Variants in TGFBI observed in about 807,000 individuals in gnomAD.
TGFBI encodes transforming growth factor-beta-induced protein ig-h3.
A neutral mutation model predicts 73.7 loss-of-function variants in TGFBI; 50 were observed. That is an observed-to-expected ratio of 0.68 (90% CI 0.54 to 0.86). TGFBI has a LOEUF of 0.86. Among genes scored for constraint, TGFBI ranks in the 40% least tolerant of loss-of-function variants. The pLI, the probability that TGFBI is intolerant of heterozygous loss-of-function variation, is 0.00. For missense variants in TGFBI, 839 were observed against 877.0 expected (o/e 0.96, Z 0.55); for synonymous variants, 362 against 360.5 (o/e 1.00, Z -0.05).
chr5:136,046,569 A>C, intron 4 of TGFBI, 74 bp downstream of exon 4: 1 of 1,475,252 alleles, frequency 6.8e-7, no homozygotes, highest in Non-Finnish European at 9.1e-7. Flanking sequence ...GGGCATGATG[A>C]ATGGGAGTCT....
intron 6 of TGFBI, 134 bp downstream of exon 6, chr5:136,047,554 C>CGTATTATACCATAGCCG: frequency 9.7e-7 from 1 of 1,034,932 alleles, no homozygotes; most frequent in Non-Finnish European, 1.4e-6. Flanking sequence ...CCCCTGAATG[C>CGTATTATACCATAGCCG]CCTTGAACAT....
At position 136,049,510 on chromosome 5, in the gene TGFBI, C is replaced by G. The variant is rs1178197205; in HGVS notation, c.843C>G (p.Thr281=). 2.5e-6 allele frequency: 4 copies of G among 1,613,854 alleles called. No individual in the cohort carries two copies. The African/African-American group carries it at 4.0e-5, about 16-fold the overall frequency. Residue 281 remains threonine, a synonymous_variant, in exon 7 of 17, where the codon ACC becomes ACG. Transcript: ENST00000442011. ...GCCAGTACACGCTTTTGGCCCCGAC[C>G]AATGAGGCCTTCGAGAAGATCCCTA... ...GNGQYTLLAP[T]NEAFEKIPSE...
Position 136,046,886 on chromosome 5 carries a change from T to G in TGFBI, c.495T>G (p.Ile165Met). The G allele has an allele frequency of 6.2e-7, 1 of 1,613,670 alleles. No individual in the cohort carries two copies. Among genetic ancestry groups the G allele is most frequent in the Admixed American group, 1.7e-5 (1 of 59,982 alleles). Residue 165 changes from isoleucine to methionine, a missense_variant, in exon 5 of 17, where the codon ATT becomes ATG. Physicochemically the swap from Ile to Met is conservative, Grantham distance 10. Transcript: ENST00000442011. ...VLDSLVSNVN[I>M]ELLNALRYHM... ...ACTCCCTGGTCAGCAATGTCAACAT[T>G]GAGCTGCTCAATGCCCTCCGCTACC...
intron 2 of TGFBI, among the ~76,000 whole-genome samples, chr5:136,042,268 T>C (rs1314034978): frequency 6.6e-6 from 1 of 152,246 alleles, no homozygotes; most frequent in Non-Finnish European, 1.5e-5. Flanking sequence ...CTCTGTCTTC[T>C]AGAAATATGG....
At chr5:136,043,305 C>T (rs531192394) in intron 2 of TGFBI, among the ~76,000 whole-genome samples, 1 of 152,272 alleles carries the variant, frequency 6.6e-6, no homozygotes, top group Non-Finnish European at 1.5e-5. Flanking sequence ...TTCGTTAAAG[C>T]TGTGTATTTC....
intron 7 of TGFBI, among the ~76,000 whole-genome samples, chr5:136,051,304 C>T (rs1391760709): frequency 6.6e-6 from 1 of 152,032 alleles, no homozygotes; most frequent in East Asian, 1.9e-4. Flanking sequence ...GTGGTGGCCA[C>T]CTGTAATCCC....
rs1376945866 is a variant in TGFBI at position 136,056,713 on chromosome 5, C to A, written c.1596C>A (p.Asn532Lys). 2 of 1,613,780 alleles carry A rather than the reference C, an allele frequency of 1.2e-6. No individual in the cohort carries two copies. Among genetic ancestry groups the A allele is most frequent in the Non-Finnish European group, 1.7e-6 (2 of 1,179,898 alleles). Residue 532 changes from asparagine to lysine, a missense_variant, in exon 12 of 17, where the codon AAC becomes AAA. Transcript: ENST00000442011. ...CTGCAGGACTGACGGAGACCCTCAA[C>A]CGGGAAGGAGTCTACACAGTCTTTG... ...IQSAGLTETL[N>K]REGVYTVFAP...
chr5:136,039,568 C>T (rs972043562), intron 2 of TGFBI, among the ~76,000 whole-genome samples: 3 of 152,180 alleles, frequency 2.0e-5, no homozygotes, highest in African/African-American at 7.2e-5. Flanking sequence ...TTGCTCACCC[C>T]CTGCTGTAAA....
intron 6 of TGFBI, 80 bp downstream of exon 6, chr5:136,047,500 G>A (rs568359662): frequency 2.6e-6 from 4 of 1,564,108 alleles, no homozygotes; most frequent in South Asian, 2.3e-5. Context: ...CTCTTCTGCA[G>A]GAGAGGTAGA....
rs1319090857 is a variant in TGFBI, at chr5:136,061,622, G to A, written c.1986+43G>A. The stretch of plus-strand genomic sequence containing the variant: ...TTTGCGCCTAGCCTGAGCAGCCTCA[G>A]GTCCTCTGTTTGGGCCATAGAGGAG... On this transcript the variant is annotated intron_variant, in intron 15 of 16. Transcript: ENST00000442011. 4 of 1,557,230 alleles carry A rather than the reference G, an allele frequency of 2.6e-6. No individual in the cohort carries two copies. The South Asian group carries it at 4.5e-5, about 17-fold the overall frequency.
intron 5 of TGFBI, 124 bp downstream of exon 5, chr5:136,047,139 C>T: frequency 6.6e-7 from 1 of 1,519,618 alleles, no homozygotes; most frequent in East Asian, 2.3e-5. Flanking sequence ...CCTGCTTCTC[C>T]TTGGGCCCTC....
intron 10 of TGFBI, 48 bp downstream of exon 10, chr5:136,054,909 G>A (rs773077466): frequency 6.3e-7 from 1 of 1,595,044 alleles, no homozygotes; most frequent in South Asian, 1.1e-5. Flanking sequence ...CCTTACTGTG[G>A]GACTTGTATT....
chr5:136,031,462 G>A (rs45509101), intron 1 of TGFBI, among the ~76,000 whole-genome samples: 170 of 152,302 alleles, frequency 1.1e-3, no homozygotes, highest in African/African-American at 3.9e-3. Flanking sequence ...TTTTGCTTTC[G>A]ACCTCACCAC....
At chr5:136,055,963 A>G in intron 11 of TGFBI, 147 bp downstream of exon 11, 2 of 858,570 alleles carry the variant, frequency 2.3e-6, no homozygotes, top group East Asian at 2.9e-5. Flanking sequence ...CAGACTTGGG[A>G]TGGGGAAAAG....
At chr5:136,051,269 A>G (rs750227597) in intron 7 of TGFBI, among the ~76,000 whole-genome samples, 12 of 152,082 alleles carry the variant, frequency 7.9e-5, no homozygotes, top group Non-Finnish European at 1.3e-4. Flanking sequence ...GTCTCTACTA[A>G]AAATACAAAA....
At chr5:136,045,539 C>T (rs954669340) in intron 3 of TGFBI, among the ~76,000 whole-genome samples, 5 of 151,870 alleles carry the variant, frequency 3.3e-5, no homozygotes, top group African/African-American at 1.2e-4. Flanking sequence ...GAGCAAAACT[C>T]CATCTCAAAA....
intron 8 of TGFBI, 27 bp downstream of exon 8, chr5:136,053,146 C>A: frequency 1.9e-6 from 3 of 1,596,246 alleles, no homozygotes; most frequent in East Asian, 2.2e-5. Flanking sequence ...GGGGCCTTGG[C>A]CCTGCCTGGC....
chr5:136,054,095 G>T lies in TGFBI; in HGVS notation c.1264+15G>T, dbSNP rs758790609. On this transcript the variant is annotated intron_variant, in intron 9 of 16. Coordinates refer to ENST00000442011, the MANE Select transcript of TGFBI (RefSeq NM_000358.3). ...TGTATTCAAAGGTAACATGGGGAAG[G>T]CATCCCTGTTAGATTGTCCCTGGAG... 27 of 1,610,138 alleles carry T rather than the reference G, an allele frequency of 1.7e-5. No homozygotes were observed. The highest frequency in any genetic ancestry group is 2.2e-5 in the East Asian group (1 of 44,754).
chr5:136,054,159 G>A (rs45475291), intron 9 of TGFBI, 79 bp downstream of exon 9: 13 of 1,545,046 alleles, frequency 8.4e-6, no homozygotes, highest in Middle Eastern at 4.0e-4. Flanking sequence ...AACACTCTCC[G>A]ATTTACAGCA....
Sources: gnomAD v4.1 joint callset for allele counts (sites outside exome capture counted in the v4.1 genomes callset) on GRCh38, gnomAD v4.1.1 for gene constraint, MANE v1.5 for transcripts, NCBI Gene and HGNC (gene_info 2026-07-23, HGNC 2026-07-21) for gene names.